Variants in CSMD1 observed in about 807,000 individuals in gnomAD.
CSMD1 encodes CUB and sushi domain-containing protein 1.
CSMD1 carries 213 observed loss-of-function variants against 417.5 expected under a neutral mutation model. The observed-to-expected ratio is 0.51, with a 90% CI of 0.46 to 0.57. The LOEUF (loss-of-function observed/expected upper bound fraction) is 0.57, where lower values mean the gene tolerates loss of function less well. CSMD1 is among the 20% of genes least tolerant of loss of function. The pLI, the probability that CSMD1 is intolerant of heterozygous loss-of-function variation, is 0.00. For synonymous variants in CSMD1, 2,862 were observed against 1,736.8 expected, an observed-to-expected ratio of 1.65 and a Z score of -16.11; for missense variants, 6,923 against 4,529.7, an observed-to-expected ratio of 1.53 and a Z score of -15.17.
chr8:4,457,419 G>T (rs900699532), intron 2 of CSMD1, among the ~76,000 whole-genome samples: 1 of 152,082 alleles, frequency 6.6e-6, no homozygotes, highest in Non-Finnish European at 1.5e-5. Flanking sequence ...AAACTCAGGG[G>T]AGTGACAGGG....
intron 10 of CSMD1, among the ~76,000 whole-genome samples, chr8:3,560,862 A>G (rs1027958168): frequency 1.3e-5 from 2 of 152,152 alleles, no homozygotes; most frequent in Non-Finnish European, 2.9e-5. Flanking sequence ...TCTTTTGTAG[A>G]ATTTCATCAC....
intron 47 of CSMD1, among the ~76,000 whole-genome samples, chr8:3,092,907 T>C (rs1326276553): frequency 1.3e-5 from 2 of 152,188 alleles, no homozygotes; most frequent in Non-Finnish European, 2.9e-5. Flanking sequence ...GCTCTCATTG[T>C]TGTTCATAAT....
At chr8:4,922,037 G>T (rs1563772978) in intron 1 of CSMD1, among the ~76,000 whole-genome samples, 2 of 152,082 alleles carry the variant, frequency 1.3e-5, no homozygotes, top group Non-Finnish European at 2.9e-5. Context: ...GAATCCCCCA[G>T]CATGGATAAA....
intron 2 of CSMD1, among the ~76,000 whole-genome samples, chr8:4,425,026 G>A (rs149266282): frequency 1.3e-5 from 2 of 151,952 alleles, no homozygotes; most frequent in South Asian, 4.1e-4. Flanking sequence ...AATTCTAAAA[G>A]TAAGTTGAAC....
intron 2 of CSMD1, among the ~76,000 whole-genome samples, chr8:4,461,885 A>C (rs1451398502): frequency 5.3e-5 from 8 of 151,364 alleles, no homozygotes; most frequent in Non-Finnish European, 1.2e-4. Context: ...GGACTACAGG[A>C]GCCCGCCACC....
rs1276973426 is a variant in CSMD1 at position 3,519,358 on chromosome 8, C to T, written c.1345-25632G>A. On this transcript the variant is annotated intron_variant, in intron 10 of 69. Coordinates refer to ENST00000635120, the MANE Select transcript of CSMD1 (RefSeq NM_033225.6). Reference sequence around the variant, plus strand: ...AAAATTTATCTGCAGAAAAAGAAGTCAATCTTGAAAGGGTTTCTATGGATT... The same window carrying T: ...AAAATTTATCTGCAGAAAAAGAAGTTAATCTTGAAAGGGTTTCTATGGATT... Among the ~76,000 whole-genome samples the T allele has an allele frequency of 3.3e-5, 5 of 152,296 alleles. No homozygotes were observed. The East Asian group carries it at 9.6e-4, about 29-fold the overall frequency.
chr8:3,520,211 C>T (rs1167337304), intron 10 of CSMD1, among the ~76,000 whole-genome samples: 1 of 151,942 alleles, frequency 6.6e-6, no homozygotes, highest in Non-Finnish European at 1.5e-5. Flanking sequence ...AAAAGTACTT[C>T]ATAACTATAT....
chr8:4,343,952 A>G (rs889358364), intron 3 of CSMD1, among the ~76,000 whole-genome samples: 2 of 152,154 alleles, frequency 1.3e-5, no homozygotes, highest in Non-Finnish European at 2.9e-5. Context: ...TATAATAAGT[A>G]TTTTCATATA....
At chr8:3,330,578 G>T (rs1379089760) in intron 23 of CSMD1, among the ~76,000 whole-genome samples, 2 of 152,176 alleles carry the variant, frequency 1.3e-5, no homozygotes, top group Admixed American at 1.3e-4. Context: ...GGGGATGACA[G>T]ACCCTGGGGC....
In CSMD1 at chr8:4,177,475, G is replaced by A. The variant is rs188496443; in HGVS notation, c.416-145376C>T. On this transcript the variant is annotated intron_variant, in intron 3 of 69. Coordinates refer to ENST00000635120, the MANE Select transcript of CSMD1 (RefSeq NM_033225.6). ...TAGCACTAAATGTCCACAAGAGAAA[G>A]TAGGAAAGATCCAAAATTGACACCC... Among the ~76,000 whole-genome samples, 112 of 152,210 alleles carry A rather than the reference G, an allele frequency of 7.4e-4. 1 individual carries two copies. The highest frequency in any genetic ancestry group is 2.5e-3 in the African/African-American group (104 of 41,518).
chr8:3,398,207 G>C (rs1469766107), intron 16 of CSMD1, among the ~76,000 whole-genome samples: 7 of 152,204 alleles, frequency 4.6e-5, no homozygotes, highest in African/African-American at 1.7e-4. Context: ...GTCAGGGCGT[G>C]CTTCAGCTCC....
chr8:3,987,007 A>G (rs535571651), intron 5 of CSMD1, among the ~76,000 whole-genome samples: 63 of 152,276 alleles, frequency 4.1e-4, no homozygotes, highest in African/African-American at 1.4e-3. Flanking sequence ...CACCTGCCTC[A>G]GCCTCCCAAA....
chr8:4,782,686 G>T (rs1168380311), intron 1 of CSMD1, among the ~76,000 whole-genome samples: 1 of 152,130 alleles, frequency 6.6e-6, no homozygotes, highest in Non-Finnish European at 1.5e-5. Context: ...TACTTCTGCA[G>T]ATGAGTATTT....
chr8:3,475,310 G>A (rs1224585222), intron 11 of CSMD1, among the ~76,000 whole-genome samples: 1 of 151,886 alleles, frequency 6.6e-6, no homozygotes. Flanking sequence ...ATGTCTCTTG[G>A]CCACTTTATC....
chr8:4,446,939 A>G (rs562256262), intron 2 of CSMD1, among the ~76,000 whole-genome samples: 2 of 151,508 alleles, frequency 1.3e-5, no homozygotes, highest in South Asian at 4.2e-4. Context: ...GTTTATTTAA[A>G]AAAAAAAAAA....
At chr8:2,955,800 G>C in intron 63 of CSMD1, 32 bp from the exon 64 acceptor site, 1 of 1,600,016 alleles carries the variant, frequency 6.2e-7, no homozygotes, top group Non-Finnish European at 8.5e-7. Context: ...TTGAGACTTT[G>C]TTTATTGTAA....
intron 41 of CSMD1, among the ~76,000 whole-genome samples, chr8:3,125,662 G>A (rs1404400654): frequency 1.3e-5 from 2 of 152,184 alleles, no homozygotes; most frequent in South Asian, 2.1e-4. Flanking sequence ...TATAAGAGTT[G>A]TTGTATTATC....
chr8:3,027,012 T>A (rs1408720419), intron 51 of CSMD1, among the ~76,000 whole-genome samples: 1 of 152,034 alleles, frequency 6.6e-6, no homozygotes, highest in Non-Finnish European at 1.5e-5. Context: ...AGCATCCCAA[T>A]TTAAACAAAA....
At chr8:3,959,924 A>C (rs1399473835) in intron 5 of CSMD1, among the ~76,000 whole-genome samples, 2 of 152,202 alleles carry the variant, frequency 1.3e-5, no homozygotes. Context: ...TATTCCCTGA[A>C]GCCCTGTACT....
Sources: gnomAD v4.1 joint callset for allele counts (sites outside exome capture counted in the v4.1 genomes callset) on GRCh38, gnomAD v4.1.1 for gene constraint, MANE v1.5 for transcripts, NCBI Gene and HGNC (gene_info 2026-07-23, HGNC 2026-07-21) for gene names.